Variants in RC3H1 observed in about 807,000 individuals in gnomAD.
RC3H1 encodes ring finger and CCCH-type domains 1.
A neutral mutation model predicts 138.2 loss-of-function variants in RC3H1; 50 were observed. The ratio of observed to expected loss-of-function variants is 0.36; its 90% confidence interval spans 0.29 to 0.46. RC3H1 has a LOEUF of 0.46. Among genes scored for constraint, RC3H1 ranks in the 20% least tolerant of loss-of-function variants. RC3H1 has a pLI of 1.00. For missense variants in RC3H1, 1,031 were observed against 1,388.1 expected (o/e 0.74, Z 4.09); for synonymous variants, 462 against 489.1 (o/e 0.94, Z 0.73).
At chr1:174,003,208 G>A (rs542742887) in intron 1 of RC3H1, among the ~76,000 whole-genome samples, 47 of 152,184 alleles carry the variant, frequency 3.1e-4, no homozygotes, top group African/African-American at 1.1e-3. Flanking sequence ...CCAACGTGGT[G>A]AAACCCCGTC....
chr1:173,972,403 G>T, intron 8 of RC3H1, 106 bp downstream of exon 8: 1 of 704,876 alleles, frequency 1.4e-6, no homozygotes, highest in Non-Finnish European at 2.5e-6. Context: ...AAATGTTCAT[G>T]TTATCTTTTT....
chr1:174,017,817 C>T (rs1009596341), intron 1 of RC3H1, among the ~76,000 whole-genome samples: 1 of 110,518 alleles, frequency 9.0e-6, no homozygotes, highest in Non-Finnish European at 1.7e-5. Context: ...AAAACTGCTA[C>T]CATGTTCAAA....
chr1:173,950,803 C>A (rs1173537953), intron 14 of RC3H1, among the ~76,000 whole-genome samples: 1 of 150,228 alleles, frequency 6.7e-6, no homozygotes, highest in Non-Finnish European at 1.5e-5. Context: ...GAGGGAGAGG[C>A]GGGAGGATCA....
chr1:173,990,285 C>G lies in RC3H1; in HGVS notation c.231+2470G>C, dbSNP rs1275337605. Among the ~76,000 whole-genome samples, 3 of 151,788 alleles carry G rather than the reference C, an allele frequency of 2.0e-5. No homozygotes were observed. The East Asian group carries it at 5.8e-4, about 29-fold the overall frequency. ...TAGAGACGGGGTTTCACCATGTTGG[C>G]CAGGCTGGTCTTGGAACTCCTGGCC... On this transcript the variant is annotated intron_variant, in intron 2 of 19. Transcript: ENST00000367696.
chr1:173,999,980 C>T (rs565629271), intron 1 of RC3H1, among the ~76,000 whole-genome samples: 146 of 152,212 alleles, frequency 9.6e-4, no homozygotes, highest in Middle Eastern at 6.8e-3. Context: ...TGCCACCACA[C>T]GAATAAAAGT....
chr1:173,963,127 C>A (rs1447726321), intron 11 of RC3H1, among the ~76,000 whole-genome samples: 3 of 152,088 alleles, frequency 2.0e-5, no homozygotes, highest in Non-Finnish European at 2.9e-5. Flanking sequence ...ATTCTCCATA[C>A]CTGGTATTAT....
At chr1:173,981,082 T>C in intron 5 of RC3H1, 73 bp from the exon 6 acceptor site, 1 of 1,279,832 alleles carries the variant, frequency 7.8e-7, no homozygotes, top group East Asian at 2.4e-5. Flanking sequence ...ATATAATTTT[T>C]AATGTAACAA....
intron 13 of RC3H1, among the ~76,000 whole-genome samples, chr1:173,959,265 G>C (rs1022844317): frequency 1.3e-5 from 2 of 151,066 alleles, no homozygotes; most frequent in South Asian, 4.2e-4. Flanking sequence ...TGAATAGAAG[G>C]GTCAATACAT....
chr1:174,012,959 G>A (rs1473543470), intron 1 of RC3H1, among the ~76,000 whole-genome samples: 2 of 151,418 alleles, frequency 1.3e-5, no homozygotes, highest in African/African-American at 4.9e-5. Flanking sequence ...GGACAAAAAG[G>A]ATCAGACTAT....
chr1:173,941,761 G>A (rs546552406), intron 18 of RC3H1, among the ~76,000 whole-genome samples: 6 of 152,086 alleles, frequency 3.9e-5, no homozygotes, highest in Non-Finnish European at 7.4e-5. Flanking sequence ...GCGAAACCCC[G>A]TCTCTACTAA....
chr1:173,952,839 C>T (rs1052237329), intron 13 of RC3H1, among the ~76,000 whole-genome samples: 1 of 152,146 alleles, frequency 6.6e-6, no homozygotes, highest in Non-Finnish European at 1.5e-5. Flanking sequence ...AAAGTGTTTT[C>T]ATGTATACTA....
In RC3H1 at chr1:173,932,977, G is replaced by A. The variant is rs1183732033; in HGVS notation, c.*5744C>T. 1.3e-5 allele frequency: 2 copies of A among 151,928 alleles called. No homozygotes were observed. The highest frequency in any genetic ancestry group is 2.9e-5 in the Non-Finnish European group (2 of 67,930). 9.4% of individuals were successfully genotyped at this position (151,928 alleles called of 1,614,324 possible). On this transcript the variant is annotated 3_prime_UTR_variant, in exon 20 of 20. Coordinates refer to ENST00000367696, the MANE Select transcript of RC3H1 (RefSeq NM_172071.4). Reference sequence around the variant, plus strand: ...TGGATGCCAAAGACTTGTGAGCTCTGTCTGCTTAGAGTTAGAACAGAAACA... The same window carrying A: ...TGGATGCCAAAGACTTGTGAGCTCTATCTGCTTAGAGTTAGAACAGAAACA...
rs75645942 is a variant in RC3H1 at position 173,987,543 on chromosome 1, A to G, written c.232-2924T>C. Among the ~76,000 whole-genome samples, 234 of 152,236 alleles carry G rather than the reference A, an allele frequency of 1.5e-3. 1 individual carries two copies. Among genetic ancestry groups the G allele is most frequent in the East Asian group, 6.0e-3 (31 of 5,186 alleles). On this transcript the variant is annotated intron_variant, in intron 2 of 19. Coordinates refer to ENST00000367696, the MANE Select transcript of RC3H1 (RefSeq NM_172071.4). Reference sequence around the variant, plus strand: ...CAGTGCTACAAGCTACTCCAGACTCATTTCGTGTATTTCCTGTCCCAGTCT... The same window carrying G: ...CAGTGCTACAAGCTACTCCAGACTCGTTTCGTGTATTTCCTGTCCCAGTCT...
chr1:174,009,266 A>AC (rs974355135), intron 1 of RC3H1: 21 of 152,266 alleles, frequency 1.4e-4, no homozygotes, highest in African/African-American at 5.1e-4. Context: ...TTAAGAACAT[A>AC]GTTTGTCCTA....
intron 2 of RC3H1, among the ~76,000 whole-genome samples, chr1:173,987,729 G>A (rs992086442): frequency 2.6e-5 from 4 of 151,548 alleles, no homozygotes; most frequent in African/African-American, 7.3e-5. Context: ...GTAATAACCC[G>A]AGATATACAT....
rs1658609441 is a variant in RC3H1 at position 173,936,751 on chromosome 1, ATATATATATATTTTTTTT to A, written c.*1952_*1969del. ...CATACATATATATATATATATATATATATATATATATTTTTTTTTTTTTTTTTAAAAAAAGAAGACAAA... is the reference window on the plus strand; with the variant it reads ...CATACATATATATATATATATATATATTTTTTTTTAAAAAAAGAAGACAAA... On this transcript the variant is annotated 3_prime_UTR_variant, in exon 20 of 20. Coordinates refer to ENST00000367696, the MANE Select transcript of RC3H1 (RefSeq NM_172071.4). The A allele has an allele frequency of 1.7e-5, 1 of 58,800 alleles. No homozygotes were observed. Among genetic ancestry groups the A allele is most frequent in the African/African-American group, 1.9e-4 (1 of 5,152 alleles). The allele number at this position is 58,800 out of a possible 1,614,324, so 3.6% of individuals were successfully genotyped here.
intron 1 of RC3H1, among the ~76,000 whole-genome samples, chr1:174,007,388 T>C (rs1661674231): frequency 6.7e-6 from 1 of 149,244 alleles, no homozygotes; most frequent in East Asian, 2.0e-4. Flanking sequence ...AGACTCCATC[T>C]CAAAAAAAAA....
chr1:173,945,318 A>AT (rs917576056), intron 17 of RC3H1, among the ~76,000 whole-genome samples: 1 of 152,008 alleles, frequency 6.6e-6, no homozygotes, highest in Admixed American at 6.6e-5. Context: ...TAGTGAAGGG[A>AT]TTTTGCCATG....
intron 9 of RC3H1, among the ~76,000 whole-genome samples, chr1:173,966,976 T>C (rs1660149529): frequency 6.6e-6 from 1 of 152,204 alleles, no homozygotes; most frequent in Non-Finnish European, 1.5e-5. Context: ...TTAATAATCT[T>C]AGACATCCCT....
Sources: allele counts gnomAD v4.1 joint callset (sites outside exome capture counted in the v4.1 genomes callset), GRCh38; gene constraint gnomAD v4.1.1; transcripts MANE v1.5; gene names NCBI Gene and HGNC (gene_info 2026-07-23, HGNC 2026-07-21).